The following KLHL4 variants were observed in gnomAD, a reference collection of about 807,000 sequenced individuals.
KLHL4 encodes kelch like family member 4.
Under a neutral mutation model 45.8 loss-of-function variants are expected in KLHL4, and 17 were observed. That is an observed-to-expected ratio of 0.37 (90% CI 0.25 to 0.56). The LOEUF is 0.56. KLHL4 is among the 20% of genes least tolerant of loss of function. The pLI, the probability that KLHL4 is intolerant of heterozygous loss-of-function variation, is 0.79. For missense variants in KLHL4, 544 were observed against 544.9 expected, an observed-to-expected ratio of 1.00 and a Z score of 0.02; for synonymous variants, 224 against 189.9, an observed-to-expected ratio of 1.18 and a Z score of -1.47.
chrX:87,606,226 A>G (rs1224289778), intron 1 of KLHL4, among the ~76,000 whole-genome samples: 3 of 109,429 alleles, frequency 2.7e-5, no homozygotes, highest in African/African-American at 1.0e-4. Flanking sequence ...TAATACTGGT[A>G]TATGAAATGA....
At chrX:87,551,996 G>C (rs1931836967) in intron 1 of KLHL4, among the ~76,000 whole-genome samples, 2 of 111,061 alleles carry the variant, frequency 1.8e-5, no homozygotes, top group African/African-American at 6.5e-5. Context: ...CTTAGGCATG[G>C]ATTTCATGAT....
chrX:87,585,507 T>TTTTG (rs772150114), intron 1 of KLHL4, among the ~76,000 whole-genome samples: 1 of 111,612 alleles, frequency 9.0e-6, no homozygotes, highest in African/African-American at 3.2e-5. Context: ...TTAGTTTTCT[T>TTTTG]TTTGTTTGTT....
Position 87,568,391 on chromosome X carries a change from C to CTTTTTTTTTTTTT in KLHL4, c.423-45479_423-45467dup. Among the ~76,000 whole-genome samples, 459 of 57,092 alleles carry CTTTTTTTTTTTTT rather than the reference C, an allele frequency of 8.0e-3. 1 individual carries two copies. The highest frequency in any genetic ancestry group is 9.4e-3 in the Non-Finnish European group (317 of 33,724). The allele number at this position is 57,092 out of a possible 115,157, so 49.6% of individuals were successfully genotyped here. Reference sequence around the variant, plus strand: ...TTTTTTCTTTTTCTTTTCTTTTTTTCTTTTTTTTTTTTTTTTTTTGCAGAA... The same window carrying CTTTTTTTTTTTTT: ...TTTTTTCTTTTTCTTTTCTTTTTTTCTTTTTTTTTTTTTTTTTTTTTTTTTTTTTTTTGCAGAA... On this transcript the variant is annotated intron_variant, in intron 1 of 10. Transcript: ENST00000373119.
chrX:87,560,048 G>A lies in KLHL4; in HGVS notation c.422+41733G>A, dbSNP rs190533434. ...CAATAATTAAGTAACTAGTAATTTCGTACGTAGCTAGTTGTTCCTCTGTAT... is the reference window on the plus strand; with the variant it reads ...CAATAATTAAGTAACTAGTAATTTCATACGTAGCTAGTTGTTCCTCTGTAT... On this transcript the variant is annotated intron_variant, in intron 1 of 10. Transcript: ENST00000373119. Among the ~76,000 whole-genome samples, 243 of 111,521 alleles carry A rather than the reference G, an allele frequency of 2.2e-3. 1 individual carries two copies. Among genetic ancestry groups the A allele is most frequent in the African/African-American group, 7.6e-3 (233 of 30,750 alleles).
At position 87,665,987 on chromosome X, in the gene KLHL4, C is replaced by T. The variant is rs190700305; in HGVS notation, c.2098-488C>T. On this transcript the variant is annotated intron_variant, in intron 10 of 10. Transcript: ENST00000373119. Reference sequence around the variant, plus strand: ...AAGGTGTTAGGACAAATACAATAATCAAGATGTTTGACCAGCTTACGGGAT... The same window carrying T: ...AAGGTGTTAGGACAAATACAATAATTAAGATGTTTGACCAGCTTACGGGAT... Among the ~76,000 whole-genome samples, 788 of 111,590 alleles carry T rather than the reference C, an allele frequency of 7.1e-3. 2 individuals carry two copies. The highest frequency in any genetic ancestry group is 0.011 in the Non-Finnish European group (575 of 52,999).
chrX:87,661,955 C>A (rs1231458609), intron 9 of KLHL4, among the ~76,000 whole-genome samples: 1 of 111,095 alleles, frequency 9.0e-6, no homozygotes, highest in African/African-American at 3.3e-5. Flanking sequence ...TAGTATCAAC[C>A]GCGTAGGGTA....
chrX:87,660,886 GAGTGCGAAACTC>G (rs1924166000), intron 9 of KLHL4, among the ~76,000 whole-genome samples: 1 of 111,963 alleles, frequency 8.9e-6, no homozygotes, highest in Non-Finnish European at 1.9e-5. Flanking sequence ...AACTGCATCG[GAGTGCGAAACTC>G]ATGGGAGGGA....
intron 6 of KLHL4, among the ~76,000 whole-genome samples, chrX:87,629,041 C>A (rs903495286): frequency 9.0e-6 from 1 of 111,724 alleles, no homozygotes. Context: ...AAGGTAAAGG[C>A]TAATACTGTC....
At chrX:87,537,923 C>T (rs768523098) in intron 1 of KLHL4, among the ~76,000 whole-genome samples, 3 of 111,267 alleles carry the variant, frequency 2.7e-5, no homozygotes, top group South Asian at 7.5e-4. Flanking sequence ...TTTTAGGGCA[C>T]GCATTTAACT....
chrX:87,665,889 C>T (rs1451112575), intron 10 of KLHL4, among the ~76,000 whole-genome samples: 1 of 111,352 alleles, frequency 9.0e-6, no homozygotes, highest in African/African-American at 3.3e-5. Context: ...CCCTCAAATG[C>T]TACAATGTAG....
intron 1 of KLHL4, among the ~76,000 whole-genome samples, chrX:87,555,959 C>A (rs1434482902): frequency 1.7e-4 from 19 of 109,504 alleles, no homozygotes; most frequent in African/African-American, 6.3e-4. Flanking sequence ...TTTATTTCTG[C>A]CTTCATTTCA....
In KLHL4 at chrX:87,525,363, A is replaced by G. The variant is rs768562288; in HGVS notation, c.422+7048A>G. On this transcript the variant is annotated intron_variant, in intron 1 of 10. Transcript: ENST00000373119. ...TACATTGCTGCGATTTATCTCTCAA[A>G]AGAAAAACAATGACAGATATAAGAC... 7.7e-4 allele frequency among the ~76,000 whole-genome samples: 86 copies of G among 111,677 alleles called. 1 individual carries two copies. The highest frequency in any genetic ancestry group is 2.7e-3 in the African/African-American group (84 of 30,894).
intron 1 of KLHL4, among the ~76,000 whole-genome samples, chrX:87,588,219 A>G (rs908440813): frequency 3.3e-4 from 37 of 111,856 alleles, no homozygotes; most frequent in African/African-American, 1.1e-3. Flanking sequence ...TGTCCATACT[A>G]CCCAAAGCAA....
chrX:87,624,792 A>G (rs1602450655), intron 5 of KLHL4, among the ~76,000 whole-genome samples: 1 of 112,500 alleles, frequency 8.9e-6, no homozygotes, highest in Non-Finnish European at 1.9e-5. Context: ...AGGTAATGAT[A>G]GTTAAAAAGA....
intron 4 of KLHL4, among the ~76,000 whole-genome samples, chrX:87,620,112 T>C (rs1922700305): frequency 9.0e-6 from 1 of 111,529 alleles, no homozygotes; most frequent in South Asian, 3.8e-4. Context: ...AAATTAACCA[T>C]TTAAATCATA....
At chrX:87,642,468 G>A (rs1355274336) in intron 9 of KLHL4, among the ~76,000 whole-genome samples, 1 of 111,940 alleles carries the variant, frequency 8.9e-6, no homozygotes, top group Non-Finnish European at 1.9e-5. Context: ...ACCCTGCCTA[G>A]TAATATGACA....
intron 1 of KLHL4, among the ~76,000 whole-genome samples, chrX:87,597,634 A>T (rs1487153217): frequency 1.8e-5 from 2 of 111,728 alleles, no homozygotes; most frequent in Non-Finnish European, 3.8e-5. Context: ...TTCAAAGCGA[A>T]AGCATTCCTT....
intron 1 of KLHL4, among the ~76,000 whole-genome samples, chrX:87,600,948 G>A (rs1161596909): frequency 8.1e-5 from 9 of 111,709 alleles, no homozygotes; most frequent in Non-Finnish European, 1.7e-4. Flanking sequence ...GGTAAGAAAC[G>A]TCTATTCCTT....
At chrX:87,571,453 C>A (rs1022044881) in intron 1 of KLHL4, among the ~76,000 whole-genome samples, 1 of 110,455 alleles carries the variant, frequency 9.1e-6, no homozygotes, top group Non-Finnish European at 1.9e-5. Flanking sequence ...AGATAGAAAA[C>A]CAAAGCTATT....
Sources: gnomAD v4.1 joint callset for allele counts (sites outside exome capture counted in the v4.1 genomes callset) on GRCh38, gnomAD v4.1.1 for gene constraint, MANE v1.5 for transcripts, NCBI Gene and HGNC (gene_info 2026-07-23, HGNC 2026-07-21) for gene names.